The following CATSPER3 variants were observed in gnomAD, a reference collection of about 807,000 sequenced individuals.
CATSPER3 encodes the protein cation channel sperm-associated protein 3.
In CATSPER3, 23 loss-of-function variants were observed where a neutral mutation model predicts 36.6. That is an observed-to-expected ratio of 0.63 (90% CI 0.45 to 0.89). CATSPER3 has a LOEUF of 0.89. CATSPER3 is among the 40% of genes least tolerant of loss of function. The pLI is 0.00. For missense variants in CATSPER3, 474 were observed against 503.9 expected, an observed-to-expected ratio of 0.94 and a Z score of 0.57; for synonymous variants, 172 against 184.1, an observed-to-expected ratio of 0.93 and a Z score of 0.53.
chr5:134,969,765 C>CAT, intron 1 of CATSPER3, 174 bp from the exon 2 acceptor site: 1 of 690,122 alleles, frequency 1.4e-6, no homozygotes, highest in Non-Finnish European at 2.5e-6. Flanking sequence ...CCATGATCAT[C>CAT]ATATATATGT....
chr5:134,988,895 G>A (rs931658716), intron 2 of CATSPER3, among the ~76,000 whole-genome samples: 1 of 151,964 alleles, frequency 6.6e-6, no homozygotes, highest in East Asian at 1.9e-4. Context: ...CCCATCCGAA[G>A]AATCACTATG....
chr5:134,969,745 G>C, intron 1 of CATSPER3, 194 bp from the exon 2 acceptor site: 1 of 632,724 alleles, frequency 1.6e-6, no homozygotes, highest in Non-Finnish European at 2.8e-6. Flanking sequence ...ACTGAGTGAG[G>C]ACAGAGTATC....
At chr5:134,984,685 A>G (rs1183819928) in intron 2 of CATSPER3, among the ~76,000 whole-genome samples, 1 of 152,244 alleles carries the variant, frequency 6.6e-6, no homozygotes, top group Non-Finnish European at 1.5e-5. Flanking sequence ...AAGCTAAATT[A>G]GGACAACCTC....
intron 1 of CATSPER3, chr5:134,969,375 A>G (rs940419990): frequency 6.2e-6 from 1 of 160,918 alleles, no homozygotes; most frequent in African/African-American, 2.4e-5. Flanking sequence ...AAACAAAAAC[A>G]ATGGTTTTAC....
At chr5:134,988,424 CAG>C (rs1439207806) in intron 2 of CATSPER3, among the ~76,000 whole-genome samples, 1 of 152,246 alleles carries the variant, frequency 6.6e-6, no homozygotes, top group Non-Finnish European at 1.5e-5. Flanking sequence ...ATATTACCCA[CAG>C]TAGAACTTCT....
At chr5:134,991,969 A>C (rs1751884038) in intron 2 of CATSPER3, among the ~76,000 whole-genome samples, 1 of 152,142 alleles carries the variant, frequency 6.6e-6, no homozygotes, top group Non-Finnish European at 1.5e-5. Context: ...AAAAAATACA[A>C]AAATTAGCCA....
chr5:134,978,859 AC>A (rs1417670689), intron 2 of CATSPER3, among the ~76,000 whole-genome samples: 1 of 151,800 alleles, frequency 6.6e-6, no homozygotes, highest in Non-Finnish European at 1.5e-5. Context: ...AGCTGGGACT[AC>A]AGGTGCACGG....
chr5:134,991,435 T>C (rs2149549532), intron 2 of CATSPER3, among the ~76,000 whole-genome samples: 1 of 152,244 alleles, frequency 6.6e-6, no homozygotes, highest in South Asian at 2.1e-4. Flanking sequence ...GTACTAGCAA[T>C]AGGATAGACA....
chr5:135,005,446 C>A (rs1006135430), intron 3 of CATSPER3, among the ~76,000 whole-genome samples: 5 of 152,168 alleles, frequency 3.3e-5, no homozygotes, highest in African/African-American at 1.2e-4. Context: ...TCTCCTGTAG[C>A]CTTGGGATGT....
intron 2 of CATSPER3, among the ~76,000 whole-genome samples, chr5:134,971,939 C>T (rs889103106): frequency 6.6e-6 from 1 of 152,100 alleles, no homozygotes; most frequent in Non-Finnish European, 1.5e-5. Flanking sequence ...ACCACACCAT[C>T]TTCTAAAAGC....
intron 3 of CATSPER3, among the ~76,000 whole-genome samples, chr5:135,000,452 A>C (rs542066438): frequency 6.6e-6 from 1 of 152,234 alleles, no homozygotes; most frequent in South Asian, 2.1e-4. Context: ...GTTAGGGAGG[A>C]TTCCCTCTTT....
intron 3 of CATSPER3, among the ~76,000 whole-genome samples, chr5:135,000,700 A>G (rs1031735149): frequency 3.3e-5 from 5 of 152,246 alleles, no homozygotes; most frequent in African/African-American, 1.2e-4. Flanking sequence ...TTTCTAGTTT[A>G]TTTGTGTAGA....
At chr5:134,972,050 A>G (rs1266270010) in intron 2 of CATSPER3, among the ~76,000 whole-genome samples, 1 of 152,234 alleles carries the variant, frequency 6.6e-6, no homozygotes, top group Non-Finnish European at 1.5e-5. Flanking sequence ...AGTCTCATAC[A>G]CAATTACTGT....
At position 134,970,063 on chromosome 5, in the gene CATSPER3, A is replaced by C; in HGVS notation, c.223A>C (p.Ile75Leu). ...TATGGCCTTGTGGACCAGTTATGAC[A>C]TAAGGTACCGCTTGTTCAGACTTCT... is the stretch of plus-strand genomic sequence containing the variant. ...FFMALWTSYDIRYRLFRLLEF... is the reference protein window; with the variant it reads ...FFMALWTSYDLRYRLFRLLEF... The change falls in exon 2 of 8, where the codon ATA (isoleucine) becomes CTA (leucine). Residue 75 changes from isoleucine (I) to leucine (L), a missense_variant. Ile to Leu is a conservative substitution (Grantham distance 5, BLOSUM62 2). Coordinates refer to ENST00000282611, the MANE Select transcript of CATSPER3 (RefSeq NM_178019.3). The C allele has an allele frequency of 6.2e-7, 1 of 1,614,148 alleles. No individual in the cohort carries two copies. Among genetic ancestry groups the C allele is most frequent in the Non-Finnish European group, 8.5e-7 (1 of 1,180,012 alleles).
intron 2 of CATSPER3, among the ~76,000 whole-genome samples, chr5:134,988,925 A>G (rs1393704256): frequency 2.6e-5 from 4 of 152,146 alleles, no homozygotes; most frequent in Non-Finnish European, 5.9e-5. Flanking sequence ...GCCTTATGAA[A>G]TGTATTTCTT....
At chr5:134,980,219 A>T (rs1263294226) in intron 2 of CATSPER3, among the ~76,000 whole-genome samples, 3 of 151,580 alleles carry the variant, frequency 2.0e-5, no homozygotes, top group Admixed American at 2.0e-4. Flanking sequence ...TGGCCTCAAG[A>T]GATCCTCCTG....
At chr5:134,978,352 GCTGATTACCCTGATTTGA>G (rs1435808643) in intron 2 of CATSPER3, among the ~76,000 whole-genome samples, 3 of 152,140 alleles carry the variant, frequency 2.0e-5, no homozygotes, top group African/African-American at 7.2e-5. Context: ...TGATGAATAT[GCTGATTACCCTGATTTGA>G]CATTACACAT....
chr5:135,010,070 G>A (rs1276349556), intron 6 of CATSPER3, among the ~76,000 whole-genome samples: 3 of 152,188 alleles, frequency 2.0e-5, no homozygotes, highest in Non-Finnish European at 4.4e-5. Flanking sequence ...GTCTCTCCTT[G>A]TCCTCTTCTC....
Position 135,008,958 on chromosome 5 carries a change from G to A in CATSPER3, c.793G>A (p.Gly265Ser), listed in dbSNP as rs1240697481. The change falls in exon 5 of 8, where the codon GGT (glycine) becomes AGT (serine). Residue 265 changes from glycine (G) to serine (S), a missense_variant. Coordinates refer to ENST00000282611, the MANE Select transcript of CATSPER3 (RefSeq NM_178019.3). ...ASFIFLNMFVGVMIMHTEDSI... is the reference protein window; with the variant it reads ...ASFIFLNMFVSVMIMHTEDSI... The stretch of plus-strand genomic sequence containing the variant: ...TTTCATCTTCCTCAACATGTTCGTG[G>A]GTGTGATGATCATGCACACAGAGGT... 6.2e-7 allele frequency: 1 copy of A among 1,613,962 alleles called. No homozygotes were observed. The highest frequency in any genetic ancestry group is 8.5e-7 in the Non-Finnish European group (1 of 1,179,956).
Sources: allele counts gnomAD v4.1 joint callset (sites outside exome capture counted in the v4.1 genomes callset), GRCh38; gene constraint gnomAD v4.1.1; transcripts MANE v1.5; gene names NCBI Gene and HGNC (gene_info 2026-07-23, HGNC 2026-07-21).